RASSF8: variants seen among roughly 807,000 people sequenced by gnomAD.
RASSF8 encodes Ras association domain family member 8, also known as ras association domain-containing protein 8.
A neutral mutation model predicts 48.5 loss-of-function variants in RASSF8; 22 were observed. The ratio of observed to expected loss-of-function variants is 0.45; its 90% CI spans 0.32 to 0.65. The LOEUF (loss-of-function observed/expected upper bound fraction) is 0.65. RASSF8 is among the 30% of genes least tolerant of loss of function. The pLI is 0.03. For missense variants in RASSF8, 418 were observed against 489.2 expected (o/e 0.85, Z 1.37); for synonymous variants, 127 against 171.5 (o/e 0.74, Z 2.03).
chr12:26,045,679 C>T (rs1163537352), intron 2 of RASSF8, among the ~76,000 whole-genome samples: 1 of 152,010 alleles, frequency 6.6e-6, no homozygotes, highest in East Asian at 1.9e-4. Flanking sequence ...TTTATGGGCT[C>T]AATATTTACA....
At chr12:26,010,600 C>A (rs1293405222) in intron 2 of RASSF8, among the ~76,000 whole-genome samples, 1 of 152,174 alleles carries the variant, frequency 6.6e-6, no homozygotes, top group Non-Finnish European at 1.5e-5. Context: ...TCTCATATTA[C>A]CAGCTGGAGA....
chr12:25,978,206 A>T (rs769572710), intron 1 of RASSF8, among the ~76,000 whole-genome samples: 2 of 152,202 alleles, frequency 1.3e-5, no homozygotes, highest in Non-Finnish European at 2.9e-5. Context: ...AGCTTCTGAG[A>T]TTCTGATGCA....
chr12:26,076,091 T>C (rs142192826), downstream of RASSF8, among the ~76,000 whole-genome samples: 168 of 152,222 alleles, frequency 1.1e-3, no homozygotes, highest in African/African-American at 3.8e-3. Flanking sequence ...TTCCCATCAA[T>C]ATGACAGCAC....
Position 26,064,672 on chromosome 12 carries a change from T to C in RASSF8, c.278T>C (p.Val93Ala). The change falls in exon 4 of 6, where the codon GTG becomes GCG. Residue 93 changes from valine (V) to alanine (A), a missense_variant. By Grantham distance (64) the Val-to-Ala change is moderately conservative. Transcript: ENST00000689635. ...SLSERPTSDS[V>A]ARIPERTLYR... ...AGTGAGCGACCCACTTCAGACAGTGTGGCTCGAATTCCTGAAAGAACTTTA... is the reference window on the plus strand; with the variant it reads ...AGTGAGCGACCCACTTCAGACAGTGCGGCTCGAATTCCTGAAAGAACTTTA... The C allele has an allele frequency of 6.2e-7, 1 of 1,614,100 alleles. No homozygotes were observed. The highest frequency in any genetic ancestry group is 8.5e-7 in the Non-Finnish European group (1 of 1,179,994).
intron 1 of RASSF8, among the ~76,000 whole-genome samples, chr12:25,980,758 A>G (rs1222386349): frequency 1.3e-5 from 2 of 152,196 alleles, no homozygotes; most frequent in South Asian, 2.1e-4. Context: ...TGAGAGAGTC[A>G]TTGCAAGAAT....
intron 2 of RASSF8, among the ~76,000 whole-genome samples, chr12:26,046,955 A>G (rs1943385306): frequency 6.6e-6 from 1 of 152,224 alleles, no homozygotes; most frequent in African/African-American, 2.4e-5. Context: ...ATGAAATAGC[A>G]CATGTAGTAG....
intron 1 of RASSF8, among the ~76,000 whole-genome samples, chr12:25,979,262 G>A (rs912367516): frequency 6.6e-6 from 1 of 152,234 alleles, no homozygotes; most frequent in East Asian, 1.9e-4. Context: ...AGCTCTAGCA[G>A]CTGGCCCCAG....
rs79076710 is a variant in RASSF8, at chr12:25,998,080, G to A, written c.-109+2950G>A. ...GAAATTGCCATATCCATTGGTTAAC[G>A]TGCAAGTCTAATATTAAGAATATTG... On this transcript the variant is annotated intron_variant, in intron 2 of 5. Transcript: ENST00000689635. Among the ~76,000 whole-genome samples the A allele has an allele frequency of 3.0e-3, 464 of 152,242 alleles. 1 individual carries two copies. Among genetic ancestry groups the A allele is most frequent in the African/African-American group, 9.3e-3 (387 of 41,550 alleles).
intron 1 of RASSF8, among the ~76,000 whole-genome samples, chr12:25,986,295 C>T (rs1351956287): frequency 6.6e-6 from 1 of 152,200 alleles, no homozygotes; most frequent in African/African-American, 2.4e-5. Context: ...TTAAAAGACA[C>T]ACCAGGTGTA....
At chr12:25,971,001 A>T (rs1941472200) in intron 1 of RASSF8, among the ~76,000 whole-genome samples, 1 of 152,216 alleles carries the variant, frequency 6.6e-6, no homozygotes, top group African/African-American at 2.4e-5. Context: ...TCATATGCAT[A>T]CATAGTTCTT....
chr12:26,065,394 A>G lies in RASSF8; in HGVS notation c.993+7A>G. Reference sequence around the variant, plus strand: ...AGCCACCAAACGCTTACAGGTAGGGACACTTTGATAAATAGAATGTTTGGC... The same window carrying G: ...AGCCACCAAACGCTTACAGGTAGGGGCACTTTGATAAATAGAATGTTTGGC... On this transcript the variant is annotated splice_region_variant and intron_variant, in intron 4 of 5. Transcript: ENST00000689635. 6.3e-7 allele frequency: 1 copy of G among 1,585,934 alleles called. No individual in the cohort carries two copies. Among genetic ancestry groups the G allele is most frequent in the Non-Finnish European group, 8.6e-7 (1 of 1,167,056 alleles).
intron 2 of RASSF8, among the ~76,000 whole-genome samples, chr12:25,998,007 T>C (rs1942170890): frequency 6.6e-6 from 1 of 152,240 alleles, no homozygotes; most frequent in East Asian, 1.9e-4. Flanking sequence ...TTTGGTGTGA[T>C]GATTACTTAA....
At chr12:26,022,393 C>T (rs1942806838) in intron 2 of RASSF8, among the ~76,000 whole-genome samples, 1 of 152,160 alleles carries the variant, frequency 6.6e-6, no homozygotes, top group Admixed American at 6.5e-5. Context: ...GAGGAGAGGT[C>T]TCAGTAAATT....
rs1039830144 is a variant in RASSF8, at chr12:26,068,886, T to C, written c.*68T>C. 22 of 1,517,582 alleles carry C rather than the reference T, an allele frequency of 1.4e-5. No individual in the cohort carries two copies. The South Asian group carries it at 2.6e-4, about 18-fold the overall frequency. The allele number at this position is 1,517,582 out of a possible 1,614,324, so 94.0% of individuals were successfully genotyped here. Reference sequence around the variant, plus strand: ...GACAGTAAACTTCCTTTTTGATTTGTGCCAATGATGAACAGAGGATCTATT... The same window carrying C: ...GACAGTAAACTTCCTTTTTGATTTGCGCCAATGATGAACAGAGGATCTATT... On this transcript the variant is annotated 3_prime_UTR_variant, in exon 6 of 6. Transcript: ENST00000689635.
intron 1 of RASSF8, among the ~76,000 whole-genome samples, chr12:25,974,374 T>TCCAC (rs1285786469): frequency 6.6e-6 from 1 of 152,190 alleles, no homozygotes; most frequent in African/African-American, 2.4e-5. Flanking sequence ...ATGTGAGCAA[T>TCCAC]GTGGAAGTCC....
At chr12:26,025,953 A>G (rs1254484188) in intron 2 of RASSF8, among the ~76,000 whole-genome samples, 1 of 152,174 alleles carries the variant, frequency 6.6e-6, no homozygotes, top group African/African-American at 2.4e-5. Flanking sequence ...AAAAGAGTGA[A>G]GTTAGCCCCC....
In RASSF8 at chr12:25,998,349, C is replaced by CT. The variant is rs34094399; in HGVS notation, c.-109+3236dup. ...TAGAATATTGTTTCTGAAGACAAAG[C>CT]TTTTTTTTTTTTTTTTTGAGATGGA... On this transcript the variant is annotated intron_variant, in intron 2 of 5. Coordinates refer to ENST00000689635, the MANE Select transcript of RASSF8 (RefSeq NM_001394098.1). Among the ~76,000 whole-genome samples the CT allele has an allele frequency of 4.4e-3, 580 of 131,034 alleles. 1 individual carries two copies. The highest frequency in any genetic ancestry group is 0.017 in the East Asian group (76 of 4,454). 86.0% of individuals were successfully genotyped at this position (131,034 alleles called of 152,430 possible).
intron 1 of RASSF8, among the ~76,000 whole-genome samples, chr12:25,962,051 C>G (rs1941248318): frequency 1.4e-5 from 1 of 72,236 alleles, no homozygotes; most frequent in Non-Finnish European, 3.3e-5. Flanking sequence ...CTACCAGCAG[C>G]CTGAAAAAAA....
chr12:25,958,429 C>G (rs1474043539), upstream of RASSF8: 1 of 151,754 alleles, frequency 6.6e-6, no homozygotes, highest in Non-Finnish European at 1.5e-5. Flanking sequence ...CCGAGCTCCC[C>G]GCCGCTTTAA....
Sources: gnomAD v4.1 joint callset for allele counts (sites outside exome capture counted in the v4.1 genomes callset) on GRCh38, gnomAD v4.1.1 for gene constraint, MANE v1.5 for transcripts, NCBI Gene and HGNC (gene_info 2026-07-23, HGNC 2026-07-21) for gene names.